The following NEDD4L variants were observed in gnomAD, a reference collection of about 807,000 sequenced individuals.
The protein encoded by NEDD4L is E3 ubiquitin-protein ligase NEDD4-like.
Under a neutral mutation model 148.9 loss-of-function variants are expected in NEDD4L, and 54 were observed. That is an observed-to-expected ratio of 0.36 (90% confidence interval 0.29 to 0.45). The LOEUF (loss-of-function observed/expected upper bound fraction) is 0.45. Among genes scored for constraint, NEDD4L ranks in the 20% least tolerant of loss-of-function variants. The pLI is 1.00. For synonymous variants in NEDD4L, 433 were observed against 440.7 expected, an observed-to-expected ratio of 0.98 and a Z score of 0.22; for missense variants, 856 against 1,233.8, an observed-to-expected ratio of 0.69 and a Z score of 4.59.
At chr18:58,185,252 T>C (rs2039338634) in intron 2 of NEDD4L, among the ~76,000 whole-genome samples, 1 of 152,176 alleles carries the variant, frequency 6.6e-6, no homozygotes, top group Non-Finnish European at 1.5e-5. Context: ...CTGTAAGCTT[T>C]TGGTAGGGAG....
intron 24 of NEDD4L, among the ~76,000 whole-genome samples, chr18:58,380,054 T>A (rs1174524561): frequency 6.9e-6 from 1 of 144,792 alleles, no homozygotes; most frequent in African/African-American, 2.6e-5. Context: ...TGGGCCCATT[T>A]TTTCTTTTCT....
intron 2 of NEDD4L, among the ~76,000 whole-genome samples, chr18:58,176,794 A>G (rs80105137): frequency 0.01 from 1,573 of 152,282 alleles, 25 homozygotes; most frequent in African/African-American, 0.036. Flanking sequence ...GTGGAAGGAA[A>G]ACTACAAGAC....
chr18:58,366,887 C>A lies in NEDD4L; in HGVS notation c.2063+659C>A, dbSNP rs1568864929. 2.6e-5 allele frequency among the ~76,000 whole-genome samples: 4 copies of A among 152,216 alleles called. No homozygotes were observed. The highest frequency in any genetic ancestry group is 5.9e-5 in the Non-Finnish European group (4 of 68,028). On this transcript the variant is annotated intron_variant, in intron 21 of 30. Coordinates refer to ENST00000400345, the MANE Select transcript of NEDD4L (RefSeq NM_001144967.3). The surrounding 1 kb of genome is among the most constrained non-coding windows in gnomAD (Gnocchi z 4.2). ...TTTGTCATCACTCCAGCCCTGGGCT[C>A]TAAGGGGACGTGGGTTCCCCCACAT... is the stretch of plus-strand genomic sequence containing the variant.
chr18:58,074,516 G>A (rs1478443139), intron 1 of NEDD4L, among the ~76,000 whole-genome samples: 5 of 146,598 alleles, frequency 3.4e-5, no homozygotes, highest in Admixed American at 7.0e-5. Context: ...CTTGTGATCC[G>A]CTCACCTCGG....
At chr18:58,050,320 A>G (rs1451339321) in intron 1 of NEDD4L, among the ~76,000 whole-genome samples, 2 of 150,344 alleles carry the variant, frequency 1.3e-5, no homozygotes, top group Admixed American at 6.7e-5. Context: ...TGAAAAAAAA[A>G]TCAGCTGGGT....
At chr18:58,247,916 T>C (rs2047466589) in intron 3 of NEDD4L, among the ~76,000 whole-genome samples, 1 of 152,118 alleles carries the variant, frequency 6.6e-6, no homozygotes, top group South Asian at 2.1e-4. Flanking sequence ...GAGTTGTGGG[T>C]GGGGAAAGTG....
chr18:58,064,202 G>C (rs906044237), intron 1 of NEDD4L, among the ~76,000 whole-genome samples: 1 of 151,892 alleles, frequency 6.6e-6, no homozygotes, highest in Non-Finnish European at 1.5e-5. Flanking sequence ...CTGACTTCGT[G>C]ATCTGCCCGT....
intron 1 of NEDD4L, among the ~76,000 whole-genome samples, chr18:58,090,188 C>T (rs1018070502): frequency 6.6e-6 from 1 of 152,158 alleles, no homozygotes; most frequent in African/African-American, 2.4e-5. Flanking sequence ...CTTAGTTAGC[C>T]TCACCTTCAT....
At chr18:58,075,960 T>G (rs1394106256) in intron 1 of NEDD4L, among the ~76,000 whole-genome samples, 2 of 152,184 alleles carry the variant, frequency 1.3e-5, no homozygotes, top group Non-Finnish European at 2.9e-5. Flanking sequence ...ATTTTCTTAC[T>G]GATTTTCCCC....
At chr18:58,108,609 CAG>C (rs549737814) in intron 1 of NEDD4L, among the ~76,000 whole-genome samples, 111 of 152,176 alleles carry the variant, frequency 7.3e-4, no homozygotes, top group African/African-American at 2.3e-3. Flanking sequence ...TTAGTAGAGA[CAG>C]GGTTTCATCA....
chr18:58,191,077 CTTCA>C (rs59181569), intron 2 of NEDD4L, among the ~76,000 whole-genome samples: 55,217 of 151,598 alleles, frequency 0.36, 12,121 homozygotes, highest in African/African-American at 0.63. Flanking sequence ...CACCACTGCC[CTTCA>C]TTCAGCCTGG....
chr18:58,175,765 A>G (rs1055677775), intron 2 of NEDD4L, among the ~76,000 whole-genome samples: 1 of 152,216 alleles, frequency 6.6e-6, no homozygotes, highest in African/African-American at 2.4e-5. Flanking sequence ...TCCCTCCCGC[A>G]AATATAGATA....
intron 5 of NEDD4L, among the ~76,000 whole-genome samples, chr18:58,315,113 T>G (rs961122817): frequency 6.6e-6 from 1 of 152,174 alleles, no homozygotes; most frequent in South Asian, 2.1e-4. Flanking sequence ...ATTTTGAATG[T>G]GGTGGAACCA....
intron 5 of NEDD4L, among the ~76,000 whole-genome samples, chr18:58,261,904 G>A (rs2049437842): frequency 6.6e-6 from 1 of 152,206 alleles, no homozygotes; most frequent in Admixed American, 6.5e-5. Flanking sequence ...GAAAAAGCAG[G>A]AAATTCATAG....
chr18:58,125,162 T>C (rs1251996793), intron 1 of NEDD4L, among the ~76,000 whole-genome samples: 3 of 152,206 alleles, frequency 2.0e-5, no homozygotes, highest in Admixed American at 2.0e-4. Context: ...GACTTATAGA[T>C]TGTGGGGATT....
chr18:58,225,763 C>T (rs1211471963), intron 2 of NEDD4L, among the ~76,000 whole-genome samples: 1 of 152,204 alleles, frequency 6.6e-6, no homozygotes, highest in Non-Finnish European at 1.5e-5. Flanking sequence ...ACCTACCTCT[C>T]TGCTTGCAGG....
At chr18:58,134,769 A>ATTTTTT (rs71173032) in intron 1 of NEDD4L, among the ~76,000 whole-genome samples, 4 of 131,406 alleles carry the variant, frequency 3.0e-5, no homozygotes, top group African/African-American at 5.7e-5. Flanking sequence ...AGCAATTTTC[A>ATTTTTT]TTTTTTTTTT....
intron 1 of NEDD4L, among the ~76,000 whole-genome samples, chr18:58,127,338 G>A (rs1054700529): frequency 5.9e-5 from 9 of 152,226 alleles, no homozygotes; most frequent in South Asian, 2.1e-4. Flanking sequence ...TGTGGGCAGC[G>A]CTGTATTTGT....
At chr18:58,289,395 C>T (rs2054381884) in intron 5 of NEDD4L, among the ~76,000 whole-genome samples, 2 of 152,174 alleles carry the variant, frequency 1.3e-5, no homozygotes, top group South Asian at 4.1e-4. Flanking sequence ...GCCTATGAGA[C>T]ATGGCATGTC....
Sources: allele counts gnomAD v4.1 joint callset (sites outside exome capture counted in the v4.1 genomes callset), GRCh38; gene constraint gnomAD v4.1.1; non-coding constraint Gnocchi (gnomAD v3.1); transcripts MANE v1.5; gene names NCBI Gene and HGNC (gene_info 2026-07-23, HGNC 2026-07-21).